The following WDR75 variants were observed in gnomAD, a reference collection of about 807,000 sequenced individuals.
WDR75 encodes the protein WD repeat-containing protein 75.
A neutral mutation model predicts 106.1 loss-of-function variants in WDR75; 52 were observed. That is an observed-to-expected ratio of 0.49 (90% CI 0.39 to 0.62). The LOEUF (loss-of-function observed/expected upper bound fraction) is 0.62, where lower values mean the gene tolerates loss of function less well. Among genes scored for constraint, WDR75 ranks in the 20% least tolerant of loss-of-function variants. The pLI, the probability that WDR75 is intolerant of heterozygous loss-of-function variation, is 0.00. For missense variants in WDR75, 905 were observed against 970.3 expected (o/e 0.93, Z 0.89); for synonymous variants, 333 against 335.5 (o/e 0.99, Z 0.08).
chr2:189,446,691 G>C (rs1686505893), intron 1 of WDR75, among the ~76,000 whole-genome samples: 1 of 152,088 alleles, frequency 6.6e-6, no homozygotes, highest in African/African-American at 2.4e-5. Flanking sequence ...TATGTTCCAG[G>C]ACCCTCAGTG....
intron 2 of WDR75, chr2:189,448,844 T>A (rs28760459): frequency 0.04 from 18,956 of 478,628 alleles, 479 homozygotes; most frequent in African/African-American, 0.068. Flanking sequence ...GGTATGTAGT[T>A]TTTGGTGTTT....
intron 1 of WDR75, among the ~76,000 whole-genome samples, chr2:189,446,646 T>G (rs1278890019): frequency 6.6e-6 from 1 of 152,188 alleles, no homozygotes; most frequent in African/African-American, 2.4e-5. Context: ...ATTTAGTGTG[T>G]TGTAATACAG....
At chr2:189,449,476 T>C in intron 2 of WDR75, 1 of 1,101,180 alleles carries the variant, frequency 9.1e-7, no homozygotes, top group Non-Finnish European at 1.1e-6. Context: ...ATGTTTTTAA[T>C]AGCAAAACTA....
Position 189,475,317 on chromosome 2 carries a change from C to T in WDR75, c.2393C>T (p.Thr798Ile). The T allele has an allele frequency of 6.2e-7, 1 of 1,611,942 alleles. No homozygotes were observed. Among genetic ancestry groups the T allele is most frequent in the Non-Finnish European group, 8.5e-7 (1 of 1,178,552 alleles). Residue 798 changes from threonine (T) to isoleucine (I), a missense_variant, in exon 21 of 21, where the codon ACA (threonine) becomes ATA (isoleucine). Coordinates refer to ENST00000314761, the MANE Select transcript of WDR75 (RefSeq NM_032168.3). ...FTEKVQDTSN[T>I]GLGEDIIHQL... ...GAAAAAGTCCAGGATACAAGTAACA[C>T]AGGTTTAGGAGAAGACATTATACAT...
At position 189,462,587 on chromosome 2, in the gene WDR75, A is replaced by G; in HGVS notation, c.882A>G (p.Glu294=). The G allele has an allele frequency of 6.2e-7, 1 of 1,614,000 alleles. No homozygotes were observed. Among genetic ancestry groups the G allele is most frequent in the East Asian group, 2.2e-5 (1 of 44,870 alleles). ...EFLPRLGATI[E]HISVSPAGDL... ...TCCCGCGTTTAGGAGCTACTATTGA[A>G]CATATCTCAGTCTCGCCTGCAGGAG... Residue 294 remains glutamate (E), a synonymous_variant, in exon 9 of 21, where the codon GAA becomes GAG. Transcript: ENST00000314761.
intron 14 of WDR75, among the ~76,000 whole-genome samples, chr2:189,467,996 C>A (rs770354524): frequency 6.6e-6 from 1 of 152,050 alleles, no homozygotes; most frequent in Non-Finnish European, 1.5e-5. Context: ...TCATTGTTTC[C>A]GAGAGGTGCA....
intron 4 of WDR75, among the ~76,000 whole-genome samples, chr2:189,454,744 C>A (rs970392806): frequency 6.6e-6 from 1 of 151,936 alleles, no homozygotes; most frequent in Non-Finnish European, 1.5e-5. Context: ...AGGATGGTCT[C>A]GATCTCCTGA....
intron 4 of WDR75, among the ~76,000 whole-genome samples, chr2:189,453,470 A>T (rs901794760): frequency 2.6e-5 from 4 of 152,210 alleles, no homozygotes; most frequent in Non-Finnish European, 5.9e-5. Context: ...CTGACTACAC[A>T]TAAGAATCAC....
rs543764181 is a variant in WDR75, at chr2:189,448,356, AC to A, written c.87-22del. On this transcript the variant is annotated intron_variant, in intron 1 of 20. Transcript: ENST00000314761. ...CAGGCTAATACAGTATGTAAAACTT[AC>A]TTTTCTTTCTTTTTTTTCCAGGTAT... 8.6e-4 allele frequency: 1,376 copies of A among 1,606,774 alleles called. 1 individual carries two copies. Among genetic ancestry groups the A allele is most frequent in the Non-Finnish European group, 1.1e-3 (1,326 of 1,176,678 alleles).
chr2:189,470,820 G>T lies in WDR75; in HGVS notation c.1991G>T (p.Ser664Ile). The T allele has an allele frequency of 6.3e-7, 1 of 1,586,922 alleles. No homozygotes were observed. The highest frequency in any genetic ancestry group is 8.6e-7 in the Non-Finnish European group (1 of 1,167,982). The change falls in exon 18 of 21, where the codon AGT becomes ATT. Residue 664 changes from serine (S) to isoleucine (I), a missense_variant and splice_region_variant. Physicochemically the swap from Ser to Ile is moderately radical, Grantham distance 142. Coordinates refer to ENST00000314761, the MANE Select transcript of WDR75 (RefSeq NM_032168.3). ...GCATCATTAATTCTCTCTTTTCAGAGTTTATTGACATTCAGTACAAAGTCT... is the reference window on the plus strand; with the variant it reads ...GCATCATTAATTCTCTCTTTTCAGATTTTATTGACATTCAGTACAAAGTCT... The part of the protein sequence containing the change: ...SQFYFLTKSQ[S>I]LLTFSTKSPE...
chr2:189,472,755 A>C (rs930957316), intron 18 of WDR75, among the ~76,000 whole-genome samples: 2 of 152,222 alleles, frequency 1.3e-5, no homozygotes, highest in Non-Finnish European at 2.9e-5. Flanking sequence ...ACAGTCTCAA[A>C]TGTCATTACA....
chr2:189,466,461 A>G lies in WDR75; in HGVS notation c.1326A>G (p.Glu442=). The G allele has an allele frequency of 6.2e-7, 1 of 1,612,886 alleles. No individual in the cohort carries two copies. The highest frequency in any genetic ancestry group is 8.5e-7 in the Non-Finnish European group (1 of 1,179,294). ...ACACTAAAATTAACATGCCACACGA[A>G]GACTGCATTACAGCTCTCTGTTTCT... ...ILNTKINMPH[E]DCITALCFCN... is the part of the protein sequence containing the mutation. Residue 442 remains glutamate, a synonymous_variant, in exon 13 of 21, where the codon GAA becomes GAG. Transcript: ENST00000314761.
rs757758986 is a variant in WDR75 at position 189,474,285 on chromosome 2, G to A, written c.2149G>A (p.Glu717Lys). 14 of 1,613,670 alleles carry A rather than the reference G, an allele frequency of 8.7e-6. No homozygotes were observed. In the Admixed American group the frequency reaches 2.2e-4, roughly 25 times the overall value. The change falls in exon 19 of 21, where the codon GAG (glutamate) becomes AAG (lysine). Residue 717 changes from glutamate (E) to lysine (K), a missense_variant. Transcript: ENST00000314761. ...AAAACTAAACGAAACTTTAGAGAAT[G>A]AGCTGGTACAACTACCCTTAACAGA... is the stretch of plus-strand genomic sequence containing the variant. ...DEKLNETLEN[E>K]LVQLPLTENI...
chr2:189,467,426 C>G (rs375705155), intron 13 of WDR75, 42 bp from the exon 14 acceptor site: 1 of 1,538,902 alleles, frequency 6.5e-7, no homozygotes, highest in East Asian at 2.3e-5. Context: ...CATTCTCTAG[C>G]ATTTACACAA....
At position 189,466,528 on chromosome 2, in the gene WDR75, A is replaced by C; in HGVS notation, c.1393A>C (p.Ser465Arg). 1 of 1,613,340 alleles carries C rather than the reference A, an allele frequency of 6.2e-7. No homozygotes were observed. The highest frequency in any genetic ancestry group is 8.5e-7 in the Non-Finnish European group (1 of 1,179,428). The change falls in exon 13 of 21, where the codon AGC becomes CGC. Residue 465 changes from serine (S) to arginine (R), a missense_variant. Transcript: ENST00000314761. The stretch of plus-strand genomic sequence containing the variant: ...TGAACAGCCCACCTTGGTTACAGCT[A>C]GCAAAGATGGTTACTTCAAAGTATG... ...KSEQPTLVTA[S>R]KDGYFKVWIL... is the part of the protein sequence containing the mutation.
intron 12 of WDR75, 50 bp downstream of exon 12, chr2:189,465,304 T>C (rs1686978437): frequency 6.6e-7 from 1 of 1,507,886 alleles, no homozygotes; most frequent in Non-Finnish European, 8.9e-7. Context: ...AATATTTCAC[T>C]TCCCATTTTA....
chr2:189,442,098 C>T (rs1378325837), intron 1 of WDR75, among the ~76,000 whole-genome samples: 1 of 152,174 alleles, frequency 6.6e-6, no homozygotes, highest in Non-Finnish European at 1.5e-5. Flanking sequence ...CTCAGTGTAG[C>T]TGGAAACCAA....
chr2:189,462,566 G>A lies in WDR75; in HGVS notation c.861G>A (p.Pro287=), dbSNP rs756234392. The change falls in exon 9 of 21, where the codon CCG becomes CCA. Residue 287 remains proline, a synonymous_variant. Coordinates refer to ENST00000314761, the MANE Select transcript of WDR75 (RefSeq NM_032168.3). ...DATEKNKEFL[P]RLGATIEHIS... is the part of the protein sequence containing the mutation. ...CAGAGAAGAATAAGGAGTTTCTCCC[G>A]CGTTTAGGAGCTACTATTGAACATA... The A allele has an allele frequency of 1.9e-5, 31 of 1,613,878 alleles. No homozygotes were observed. Among genetic ancestry groups the A allele is most frequent in the Non-Finnish European group, 2.5e-5 (30 of 1,179,960 alleles).
At position 189,462,545 on chromosome 2, in the gene WDR75, G is replaced by T; in HGVS notation, c.840G>T (p.Glu280Asp). 6.2e-7 allele frequency: 1 copy of T among 1,614,084 alleles called. No individual in the cohort carries two copies. The highest frequency in any genetic ancestry group is 8.5e-7 in the Non-Finnish European group (1 of 1,179,986). Residue 280 changes from glutamate to aspartate, a missense_variant, in exon 9 of 21, where the codon GAG becomes GAT. By Grantham distance (45) the Glu-to-Asp change is conservative. Coordinates refer to ENST00000314761, the MANE Select transcript of WDR75 (RefSeq NM_032168.3). ...TTGTAGAGTGGCGCGATGCAACAGA[G>T]AAGAATAAGGAGTTTCTCCCGCGTT... ...SVLVEWRDAT[E>D]KNKEFLPRLG...
Sources: gnomAD v4.1 joint callset for allele counts (sites outside exome capture counted in the v4.1 genomes callset) on GRCh38, gnomAD v4.1.1 for gene constraint, MANE v1.5 for transcripts, NCBI Gene and HGNC (gene_info 2026-07-23, HGNC 2026-07-21) for gene names.